LRRC4B: variants seen among roughly 807,000 people sequenced by gnomAD.
LRRC4B encodes leucine-rich repeat-containing protein 4B.
A neutral mutation model predicts 7.3 loss-of-function variants in LRRC4B; 1 was observed. The observed-to-expected ratio is 0.14, with a 90% CI of 0.05 to 0.65. The LOEUF (loss-of-function observed/expected upper bound fraction) is 0.65. LRRC4B is among the 30% of genes least tolerant of loss of function. The pLI, the probability that LRRC4B is intolerant of heterozygous loss-of-function variation, is 0.84. For synonymous variants in LRRC4B, 500 were observed against 499.2 expected (o/e 1.00, Z -0.02); for missense variants, 730 against 1,041.6 (o/e 0.70, Z 4.12).
chr19:50,551,239 CT>C (rs1255076818), intron 1 of LRRC4B, among the ~76,000 whole-genome samples: 4 of 151,170 alleles, frequency 2.6e-5, no homozygotes, highest in African/African-American at 9.7e-5. Context: ...AGGCCCCCCC[CT>C]CCACATGCCT....
Position 50,555,704 on chromosome 19 carries a change from G to A in LRRC4B, c.-35-6831C>T, listed in dbSNP as rs1257950899. Reference sequence around the variant, plus strand: ...GCAGATGGCAGATCGGAAACTCGGGGACCCAGGAGAGGCGGGGTGAGGAGA... The same window carrying A: ...GCAGATGGCAGATCGGAAACTCGGGAACCCAGGAGAGGCGGGGTGAGGAGA... On this transcript the variant is annotated intron_variant, in intron 1 of 2. Transcript: ENST00000652263. The surrounding 1 kb of genome is among the most constrained non-coding windows in gnomAD (Gnocchi z 5.2). The A allele has an allele frequency of 6.6e-6, 1 of 152,342 alleles. No individual in the cohort carries two copies. The highest frequency in any genetic ancestry group is 1.5e-5 in the Non-Finnish European group (1 of 68,182). 9.4% of individuals were successfully genotyped at this position (152,342 alleles called of 1,614,324 possible).
intron 2 of LRRC4B, among the ~76,000 whole-genome samples, chr19:50,539,713 C>G (rs1247918789): frequency 6.6e-6 from 1 of 151,496 alleles, no homozygotes; most frequent in African/African-American, 2.4e-5. Context: ...ATGGTGAAAC[C>G]CCGTCTCTAC....
chr19:50,528,570 C>A (rs1980918952), intron 2 of LRRC4B, among the ~76,000 whole-genome samples: 1 of 152,172 alleles, frequency 6.6e-6, no homozygotes, highest in African/African-American at 2.4e-5. Flanking sequence ...GTCTTGAACT[C>A]CTGACCTCAA....
rs1448810880 is a variant in LRRC4B at position 50,553,049 on chromosome 19, T to C, written c.-35-4176A>G. On this transcript the variant is annotated intron_variant, in intron 1 of 2. Coordinates refer to ENST00000652263, the MANE Select transcript of LRRC4B (RefSeq NM_001080457.2). This position sits in a 1 kb window ranked among gnomAD's most constrained non-coding sequence, Gnocchi z 4.2. Reference sequence around the variant, plus strand: ...GGGAGTATCTGCCTCCTAGGGCCACTGTGGGGATTAAATCGCTAAATCCTT... The same window carrying C: ...GGGAGTATCTGCCTCCTAGGGCCACCGTGGGGATTAAATCGCTAAATCCTT... Among the ~76,000 whole-genome samples the C allele has an allele frequency of 1.3e-5, 2 of 152,238 alleles. No individual in the cohort carries two copies. Among genetic ancestry groups the C allele is most frequent in the African/African-American group, 4.8e-5 (2 of 41,450 alleles).
Position 50,568,342 on chromosome 19 carries a change from C to A in LRRC4B, c.-434G>T, listed in dbSNP as rs1184316258. Reference sequence around the variant, plus strand: ...CGCCGCTCTCCCCCCACCCCACCCCCCCCCAGGCCCCGGCCCCGGCCCCGG... The same window carrying A: ...CGCCGCTCTCCCCCCACCCCACCCCACCCCAGGCCCCGGCCCCGGCCCCGG... On this transcript the variant is annotated 5_prime_UTR_variant, in exon 1 of 3. Transcript: ENST00000652263. Among the ~76,000 whole-genome samples the A allele has an allele frequency of 4.8e-5, 7 of 147,336 alleles. No homozygotes were observed. The highest frequency in any genetic ancestry group is 2.1e-4 in the East Asian group (1 of 4,814).
At chr19:50,525,427 G>A (rs924130320) in intron 2 of LRRC4B, among the ~76,000 whole-genome samples, 2 of 147,374 alleles carry the variant, frequency 1.4e-5, no homozygotes, top group African/African-American at 5.0e-5. Context: ...TTTTTTGAGA[G>A]GGAGTTTTGC....
At chr19:50,558,911 C>G (rs1171487424) in intron 1 of LRRC4B, among the ~76,000 whole-genome samples, 1 of 152,210 alleles carries the variant, frequency 6.6e-6, no homozygotes, top group Non-Finnish European at 1.5e-5. Context: ...TATGGAGAGT[C>G]TGAGGCCTGA....
intron 2 of LRRC4B, among the ~76,000 whole-genome samples, chr19:50,535,073 T>C (rs960515990): frequency 6.6e-6 from 1 of 152,068 alleles, no homozygotes; most frequent in Non-Finnish European, 1.5e-5. Flanking sequence ...TTTCACTGTG[T>C]TAGCCAGGAT....
Position 50,518,222 on chromosome 19 carries a change from C to G in LRRC4B, c.1491G>C (p.Thr497=). ...GCTGCAGGGCCTCCTCTCCGGGCTG[C>G]GTCTCCAGGGTCTCCACGGTCACCG... The part of the protein sequence containing the change: ...FTTVTVETLE[T]QPGEEALQPR... The change falls in exon 3 of 3, where the codon ACG becomes ACC. Residue 497 remains threonine (T), a synonymous_variant. Transcript: ENST00000652263. 2 of 1,608,734 alleles carry G rather than the reference C, an allele frequency of 1.2e-6. No homozygotes were observed. Among genetic ancestry groups the G allele is most frequent in the South Asian group, 1.1e-5 (1 of 90,820 alleles).
chr19:50,549,940 C>T (rs887748244), intron 1 of LRRC4B, among the ~76,000 whole-genome samples: 1 of 152,154 alleles, frequency 6.6e-6, no homozygotes, highest in Non-Finnish European at 1.5e-5. Context: ...GACTCGGGCC[C>T]TCTGAGAAGT....
chr19:50,532,097 G>A lies in LRRC4B; in HGVS notation c.298-12682C>T, dbSNP rs375971980. Among the ~76,000 whole-genome samples the A allele has an allele frequency of 5.9e-5, 9 of 152,032 alleles. No homozygotes were observed. In the East Asian group the frequency reaches 7.7e-4, roughly 13 times the overall value. On this transcript the variant is annotated intron_variant, in intron 2 of 2. Coordinates refer to ENST00000652263, the MANE Select transcript of LRRC4B (RefSeq NM_001080457.2). Reference sequence around the variant, plus strand: ...AACACCCACCAAAATTTACCCTGGCGTGGTGGCACACTCCTGTAGTCCCAG... The same window carrying A: ...AACACCCACCAAAATTTACCCTGGCATGGTGGCACACTCCTGTAGTCCCAG...
At chr19:50,564,628 T>TGAGGGGAGATGGA (rs1234757533) in intron 1 of LRRC4B, among the ~76,000 whole-genome samples, 7 of 150,254 alleles carry the variant, frequency 4.7e-5, no homozygotes, top group African/African-American at 1.7e-4. Flanking sequence ...CCAGGGAAGA[T>TGAGGGGAGATGGA]GAGGGGAGAT....
In LRRC4B at chr19:50,517,508, C is replaced by T. The variant is rs1980322762; in HGVS notation, c.*63G>A. 1 of 1,341,934 alleles carries T rather than the reference C, an allele frequency of 7.5e-7. No individual in the cohort carries two copies. The highest frequency in any genetic ancestry group is 1.5e-5 in the African/African-American group (1 of 65,916). 83.1% of individuals were successfully genotyped at this position (1,341,934 alleles called of 1,614,324 possible). A position where few individuals can be genotyped will look rare whatever the true frequency, so the allele number is the denominator to read the frequency against. On this transcript the variant is annotated 3_prime_UTR_variant, in exon 3 of 3. Coordinates refer to ENST00000652263, the MANE Select transcript of LRRC4B (RefSeq NM_001080457.2). The surrounding 1 kb of genome is among the most constrained non-coding windows in gnomAD (Gnocchi z 6.6). ...GTGGGAGGGAGGGGTCCCGGTCAGG[C>T]TGCGCCCGGGCTGGGACCTGGGTGG...
At position 50,519,881 on chromosome 19, in the gene LRRC4B, CAAA is replaced by C. The variant is rs893919093; in HGVS notation, c.298-469_298-467del. On this transcript the variant is annotated intron_variant, in intron 2 of 2. Transcript: ENST00000652263. The surrounding 1 kb of genome is among the most constrained non-coding windows in gnomAD (Gnocchi z 8.1). Reference sequence around the variant, plus strand: ...GAGCAAGACTCCATGTAGAAACAAACAAAAAAACTGGATTCAAGAATTTTGGGG... The same window carrying C: ...GAGCAAGACTCCATGTAGAAACAAACAAAACTGGATTCAAGAATTTTGGGG... Among the ~76,000 whole-genome samples, 36 of 146,694 alleles carry C rather than the reference CAAA, an allele frequency of 2.5e-4. 1 individual carries two copies. Among genetic ancestry groups the C allele is most frequent in the Admixed American group, 9.5e-4 (14 of 14,734 alleles).
rs559782771 is a variant in LRRC4B at position 50,526,224 on chromosome 19, CCTT to C, written c.298-6812_298-6810del. On this transcript the variant is annotated intron_variant, in intron 2 of 2. Transcript: ENST00000652263. ...GGAGCAGCTCATCCGCCTGGCACCA[CCTT>C]CTCCTTCCTCCTCTACTTGTTTCCC... Among the ~76,000 whole-genome samples, 56 of 152,210 alleles carry C rather than the reference CCTT, an allele frequency of 3.7e-4. 2 individuals are homozygous for C. In the East Asian group the frequency reaches 9.7e-3, roughly 26 times the overall value.
chr19:50,530,934 G>GGGT (rs1981031159), intron 2 of LRRC4B, among the ~76,000 whole-genome samples: 1 of 150,786 alleles, frequency 6.6e-6, no homozygotes, highest in African/African-American at 2.4e-5. Flanking sequence ...AACCTGGGGG[G>GGGT]GGGGGGTCTC....
At chr19:50,559,198 G>A (rs1982385122) in intron 1 of LRRC4B, among the ~76,000 whole-genome samples, 1 of 152,230 alleles carries the variant, frequency 6.6e-6, no homozygotes, top group South Asian at 2.1e-4. Context: ...ACTTTGGGAG[G>A]CCAAGGTGGG....
At chr19:50,536,643 G>A (rs528919069) in intron 2 of LRRC4B, among the ~76,000 whole-genome samples, 4 of 152,300 alleles carry the variant, frequency 2.6e-5, no homozygotes, top group South Asian at 4.1e-4. Context: ...AAAGATGCAC[G>A]GGTCTCAGCT....
At position 50,518,642 on chromosome 19, in the gene LRRC4B, C is replaced by G; in HGVS notation, c.1071G>C (p.Ser357=). The G allele has an allele frequency of 1.2e-6, 2 of 1,611,048 alleles. No homozygotes were observed. Among genetic ancestry groups the G allele is most frequent in the East Asian group, 4.5e-5 (2 of 44,810 alleles). ...KGRYIGELDQ[S]HFTCYAPVIV... ...TGACGGGCGCATAGCAGGTGAAATGCGACTGGTCCAGCTCCCCAATGTAGC... is the reference window on the plus strand; with the variant it reads ...TGACGGGCGCATAGCAGGTGAAATGGGACTGGTCCAGCTCCCCAATGTAGC... Residue 357 remains serine (S), a synonymous_variant, in exon 3 of 3, where the codon TCG becomes TCC. Transcript: ENST00000652263.
Sources: gnomAD v4.1 joint callset for allele counts (sites outside exome capture counted in the v4.1 genomes callset) on GRCh38, gnomAD v4.1.1 for gene constraint, Gnocchi (gnomAD v3.1) non-coding constraint, MANE v1.5 for transcripts, NCBI Gene and HGNC (gene_info 2026-07-23, HGNC 2026-07-21) for gene names.